The following CDH22 variants were observed in gnomAD, a reference collection of about 807,000 sequenced individuals.
The protein encoded by CDH22 is cadherin-22.
In CDH22, 30 loss-of-function variants were observed where a neutral mutation model predicts 58.4. The observed-to-expected ratio is 0.51, with a 90% CI of 0.38 to 0.70. CDH22 has a LOEUF of 0.70. CDH22 is among the 30% of genes least tolerant of loss of function. The pLI is 0.00. For synonymous variants in CDH22, 513 were observed against 558.2 expected (o/e 0.92, Z 1.14); for missense variants, 1,014 against 1,233.9 (o/e 0.82, Z 2.67).
chr20:46,293,442 T>G (rs1389232038), intron 1 of CDH22, among the ~76,000 whole-genome samples: 1 of 152,124 alleles, frequency 6.6e-6, no homozygotes, highest in Non-Finnish European at 1.5e-5. Flanking sequence ...GCAGGGAACC[T>G]ATGTTTTTCA....
chr20:46,259,751 T>C (rs990339291), intron 1 of CDH22, among the ~76,000 whole-genome samples: 3 of 152,062 alleles, frequency 2.0e-5, no homozygotes, highest in Non-Finnish European at 4.4e-5. Flanking sequence ...AGAACAAGCA[T>C]GAGCAGAGGA....
At chr20:46,280,705 C>A (rs1400965189) in intron 1 of CDH22, among the ~76,000 whole-genome samples, 1 of 152,222 alleles carries the variant, frequency 6.6e-6, no homozygotes, top group Non-Finnish European at 1.5e-5. Context: ...AATGTCAGTT[C>A]TGTCACATAC....
chr20:46,226,479 C>T (rs2086176260), intron 4 of CDH22, among the ~76,000 whole-genome samples: 1 of 151,868 alleles, frequency 6.6e-6, no homozygotes. Context: ...GATGGGTTCT[C>T]TCTGTGTTAC....
rs150549899 is a variant in CDH22 at position 46,243,227 on chromosome 20, C to T, written c.256-1970G>A. 1.2e-3 allele frequency among the ~76,000 whole-genome samples: 184 copies of T among 152,260 alleles called. 2 individuals carry two copies. Among genetic ancestry groups the T allele is most frequent in the African/African-American group, 4.2e-3 (174 of 41,552 alleles). ...CCATCCCCTGCCACGCAGGAGGAGC[C>T]GGGGTATAAATTCTGCTGGTAGAAC... On this transcript the variant is annotated intron_variant, in intron 2 of 11. Transcript: ENST00000537909.
Position 46,210,275 on chromosome 20 carries a change from C to T in CDH22, c.1286+32G>A. ...GCGGGGGTGATGGCGGGATAGCAGG[C>T]AGCAGGCGTCGGCCCCGGGCGGGGG... On this transcript the variant is annotated intron_variant, in intron 7 of 11. Coordinates refer to ENST00000537909, the MANE Select transcript of CDH22 (RefSeq NM_021248.3). This position sits in a 1 kb window ranked among gnomAD's most constrained non-coding sequence, Gnocchi z 4.5. 2 of 1,375,542 alleles carry T rather than the reference C, an allele frequency of 1.5e-6. No homozygotes were observed. Among genetic ancestry groups the T allele is most frequent in the Non-Finnish European group, 1.9e-6 (2 of 1,070,382 alleles). 85.2% of individuals were successfully genotyped at this position (1,375,542 alleles called of 1,614,324 possible). A position where few individuals can be genotyped will look rare whatever the true frequency, so the allele number is the denominator to read the frequency against.
intron 1 of CDH22, among the ~76,000 whole-genome samples, chr20:46,273,828 A>G (rs1300071868): frequency 6.6e-6 from 1 of 152,218 alleles, no homozygotes; most frequent in Non-Finnish European, 1.5e-5. Context: ...ATGTGTGAGG[A>G]ATCCAAGAGC....
At chr20:46,208,217 C>T (rs975412082) in intron 7 of CDH22, among the ~76,000 whole-genome samples, 1 of 152,222 alleles carries the variant, frequency 6.6e-6, no homozygotes, top group Non-Finnish European at 1.5e-5. Context: ...CCCCCAGCCC[C>T]TAACCTCCTC....
chr20:46,212,278 A>C (rs1050268578), intron 6 of CDH22, among the ~76,000 whole-genome samples: 1 of 152,048 alleles, frequency 6.6e-6, no homozygotes, highest in African/African-American at 2.4e-5. Context: ...GGAGATATAC[A>C]AACAAAGGCC....
intron 7 of CDH22, among the ~76,000 whole-genome samples, chr20:46,206,536 C>G (rs2086003176): frequency 1.3e-5 from 2 of 152,168 alleles, no homozygotes. Flanking sequence ...ACACGCCAAG[C>G]TTGTTCCTGC....
At chr20:46,215,511 G>A (rs1219477925) in intron 5 of CDH22, among the ~76,000 whole-genome samples, 1 of 152,218 alleles carries the variant, frequency 6.6e-6, no homozygotes, top group Non-Finnish European at 1.5e-5. Context: ...AAAGCAGGTA[G>A]TGGCTAACTG....
intron 3 of CDH22, among the ~76,000 whole-genome samples, chr20:46,236,929 G>A (rs1251218408): frequency 6.6e-6 from 1 of 152,170 alleles, no homozygotes; most frequent in Non-Finnish European, 1.5e-5. Flanking sequence ...CTGAGCTCAG[G>A]CAATTCACCG....
chr20:46,263,765 T>C (rs979859945), intron 1 of CDH22, among the ~76,000 whole-genome samples: 3 of 152,036 alleles, frequency 2.0e-5, no homozygotes, highest in Non-Finnish European at 2.9e-5. Flanking sequence ...AGGACGGGCC[T>C]GGAGGAGTTG....
chr20:46,194,339 G>A (rs2085883709), intron 8 of CDH22, among the ~76,000 whole-genome samples: 1 of 152,322 alleles, frequency 6.6e-6, no homozygotes, highest in Admixed American at 6.5e-5. Flanking sequence ...AGCACTCTCT[G>A]CTGCTCAGAC....
intron 1 of CDH22, among the ~76,000 whole-genome samples, chr20:46,272,965 T>C (rs1314793198): frequency 6.6e-6 from 1 of 152,192 alleles, no homozygotes; most frequent in Non-Finnish European, 1.5e-5. Context: ...GTGTTACCAT[T>C]CTGTGATTAA....
At chr20:46,199,190 G>A (rs1307722596) in intron 8 of CDH22, among the ~76,000 whole-genome samples, 1 of 152,176 alleles carries the variant, frequency 6.6e-6, no homozygotes, top group Non-Finnish European at 1.5e-5. Flanking sequence ...CCCTTGACTT[G>A]CAACCCTGCT....
chr20:46,193,532 C>T (rs370412231), intron 8 of CDH22, among the ~76,000 whole-genome samples: 4 of 152,306 alleles, frequency 2.6e-5, no homozygotes, highest in South Asian at 2.1e-4. Flanking sequence ...CATCTGATCA[C>T]GCCACTCTTC....
chr20:46,259,921 C>T (rs1373448120), intron 1 of CDH22, among the ~76,000 whole-genome samples: 1 of 152,182 alleles, frequency 6.6e-6, no homozygotes, highest in African/African-American at 2.4e-5. Context: ...ACATGGCTGG[C>T]TGCAAACAGC....
At chr20:46,228,369 G>A (rs907965790) in intron 3 of CDH22, among the ~76,000 whole-genome samples, 19 of 152,216 alleles carry the variant, frequency 1.2e-4, no homozygotes, top group African/African-American at 3.6e-4. Flanking sequence ...TGCTCTGCAC[G>A]TAGACTGCTG....
At chr20:46,280,601 C>G (rs904520227) in intron 1 of CDH22, among the ~76,000 whole-genome samples, 4 of 152,202 alleles carry the variant, frequency 2.6e-5, no homozygotes, top group African/African-American at 9.6e-5. Flanking sequence ...TGGGGGCTGC[C>G]TTCTCTCTTG....
Sources: gnomAD v4.1 joint callset for allele counts (sites outside exome capture counted in the v4.1 genomes callset) on GRCh38, gnomAD v4.1.1 for gene constraint, Gnocchi (gnomAD v3.1) non-coding constraint, MANE v1.5 for transcripts, NCBI Gene and HGNC (gene_info 2026-07-23, HGNC 2026-07-21) for gene names.